SEM1: variants seen among roughly 807,000 people sequenced by gnomAD.
SEM1 encodes SEM1 26S proteasome subunit.
Under a neutral mutation model 12.7 loss-of-function variants are expected in SEM1, and 3 were observed. That is an observed-to-expected ratio of 0.24 (90% CI 0.11 to 0.61). SEM1 has a LOEUF of 0.61. Among genes scored for constraint, SEM1 ranks in the 20% least tolerant of loss-of-function variants. The pLI is 0.88. For synonymous variants in SEM1, 30 were observed against 27.8 expected (o/e 1.08, Z -0.25); for missense variants, 59 against 81.3 (o/e 0.73, Z 1.06).
intron 2 of SEM1, among the ~76,000 whole-genome samples, chr7:96,508,001 G>A (rs1410824456): frequency 6.6e-6 from 1 of 151,890 alleles, no homozygotes; most frequent in Admixed American, 6.6e-5. Context: ...ATCACCCTTC[G>A]CATATTTCTC....
At chr7:96,693,876 T>C (rs1790009551) in intron 2 of SEM1, among the ~76,000 whole-genome samples, 1 of 151,732 alleles carries the variant, frequency 6.6e-6, no homozygotes, top group Admixed American at 6.6e-5. Context: ...AGCAGCACTA[T>C]CCACAATAGC....
At chr7:96,526,853 T>G (rs1296686268) in intron 2 of SEM1, among the ~76,000 whole-genome samples, 1 of 151,712 alleles carries the variant, frequency 6.6e-6, no homozygotes, top group Non-Finnish European at 1.5e-5. Context: ...ACAGTCGTCC[T>G]CCTCCTCCTT....
chr7:96,520,980 G>A (rs984949618), intron 2 of SEM1, among the ~76,000 whole-genome samples: 5 of 152,006 alleles, frequency 3.3e-5, no homozygotes, highest in African/African-American at 7.2e-5. Flanking sequence ...ATGCAATGCC[G>A]AAGCTGACAA....
rs116407778 is a variant in SEM1 at position 96,484,062 on chromosome 7, T to A, written c.258-74A>T. The A allele has an allele frequency of 3.2e-4, 418 of 1,321,136 alleles. No homozygotes were observed. The African/African-American group carries it at 4.9e-3, about 15-fold the overall frequency. The allele number at this position is 1,321,136 out of a possible 1,614,324, so 81.8% of individuals were successfully genotyped here. On this transcript the variant is annotated intron_variant, in intron 3 of 3. Coordinates refer to the SEM1 transcript ENST00000356686. ...ACTTCATGCATATTAACTTATTCAA[T>A]CTTCACAACAACCCTATAGGGTAGA...
chr7:96,687,361 C>T (rs1439755629), downstream of SEM1, among the ~76,000 whole-genome samples: 2 of 152,132 alleles, frequency 1.3e-5, no homozygotes, highest in Non-Finnish European at 2.9e-5. Flanking sequence ...GCACTATTCA[C>T]AATAGCAAAG....
intron 2 of SEM1, chr7:96,645,778 G>C: frequency 2.5e-6 from 1 of 398,410 alleles, no homozygotes; most frequent in Admixed American, 4.4e-5. Context: ...GGATGGATTA[G>C]AGGCAGTTGA....
chr7:96,637,630 T>G (rs535341779), intron 2 of SEM1, among the ~76,000 whole-genome samples: 1 of 152,146 alleles, frequency 6.6e-6, no homozygotes, highest in South Asian at 2.1e-4. Flanking sequence ...AGGGGCCCAG[T>G]TCACTCTCAG....
chr7:96,655,443 T>C (rs1203168844), intron 2 of SEM1, among the ~76,000 whole-genome samples: 1 of 51,458 alleles, frequency 1.9e-5, no homozygotes, highest in Non-Finnish European at 3.4e-5. Context: ...TGCAAATACC[T>C]TTTTTTTTTT....
At chr7:96,682,602 C>T (rs1789647268) in intron 2 of SEM1, among the ~76,000 whole-genome samples, 1 of 151,970 alleles carries the variant, frequency 6.6e-6, no homozygotes, top group Non-Finnish European at 1.5e-5. Flanking sequence ...ACATTCAGGA[C>T]ACAGGCATGA....
chr7:96,528,189 A>C (rs2115693854), intron 2 of SEM1, among the ~76,000 whole-genome samples: 1 of 152,136 alleles, frequency 6.6e-6, no homozygotes, highest in Admixed American at 6.5e-5. Flanking sequence ...TTGCCCAATA[A>C]TTTTGTGGGG....
intron 2 of SEM1, among the ~76,000 whole-genome samples, chr7:96,553,741 G>T (rs1237520957): frequency 3.9e-5 from 6 of 152,186 alleles, no homozygotes; most frequent in Admixed American, 1.3e-4. Flanking sequence ...GAAAGTCATT[G>T]GTAGCTTGAT....
intron 2 of SEM1, among the ~76,000 whole-genome samples, chr7:96,643,658 A>T (rs1166702933): frequency 6.6e-6 from 1 of 152,124 alleles, no homozygotes; most frequent in Non-Finnish European, 1.5e-5. Context: ...CTTTGCAGGG[A>T]CATGGATGAA....
intron 2 of SEM1, among the ~76,000 whole-genome samples, chr7:96,524,191 GA>G (rs1309706959): frequency 3.3e-5 from 5 of 152,200 alleles, no homozygotes; most frequent in African/African-American, 1.2e-4. Flanking sequence ...TAGATGCCCT[GA>G]AGCATTTCTA....
chr7:96,600,501 T>TTAA (rs1320556333), intron 2 of SEM1, among the ~76,000 whole-genome samples: 2 of 152,110 alleles, frequency 1.3e-5, no homozygotes, highest in East Asian at 3.9e-4. Flanking sequence ...ATTATCCCAT[T>TTAA]TAATCCTCAT....
chr7:96,572,502 C>T (rs531775131), intron 2 of SEM1, among the ~76,000 whole-genome samples: 14 of 152,252 alleles, frequency 9.2e-5, no homozygotes, highest in African/African-American at 2.6e-4. Flanking sequence ...TCATTGGTTT[C>T]AAAGAACTTA....
chr7:96,507,657 T>C (rs1803800186), intron 2 of SEM1, among the ~76,000 whole-genome samples: 1 of 152,126 alleles, frequency 6.6e-6, no homozygotes, highest in Non-Finnish European at 1.5e-5. Context: ...ATTGTGGATT[T>C]ACCTTCTTCA....
chr7:96,620,636 G>A (rs577121300), downstream of SEM1, among the ~76,000 whole-genome samples: 93 of 152,240 alleles, frequency 6.1e-4, no homozygotes, highest in African/African-American at 2.1e-3. Context: ...GCAAGCTGTC[G>A]CAAACTCTCT....
chr7:96,517,773 A>C (rs188940339), intron 2 of SEM1, among the ~76,000 whole-genome samples: 5 of 152,212 alleles, frequency 3.3e-5, no homozygotes, highest in Non-Finnish European at 7.4e-5. Flanking sequence ...TATTCTCCCA[A>C]TATGTTATAT....
chr7:96,659,718 A>G (rs1273056945), intron 2 of SEM1, among the ~76,000 whole-genome samples: 3 of 152,124 alleles, frequency 2.0e-5, no homozygotes, highest in Admixed American at 2.0e-4. Flanking sequence ...GGTATTGCTT[A>G]CTAATTTTGT....
Sources: allele counts gnomAD v4.1 joint callset (sites outside exome capture counted in the v4.1 genomes callset), GRCh38; gene constraint gnomAD v4.1.1; transcripts MANE v1.5; gene names NCBI Gene and HGNC (gene_info 2026-07-23, HGNC 2026-07-21).